The following RUSF1 variants were observed in gnomAD, a reference collection of about 807,000 sequenced individuals.
RUSF1 encodes RUS1 family protein C16orf58.
Under a neutral mutation model 63.0 loss-of-function variants are expected in RUSF1, and 58 were observed. The observed-to-expected ratio is 0.92, with a 90% CI of 0.75 to 1.15. RUSF1 has a LOEUF of 1.15. Among genes scored for constraint, RUSF1 ranks in the 50% most tolerant of loss-of-function variants. The pLI is 0.00. For synonymous variants in RUSF1, 274 were observed against 255.8 expected (o/e 1.07, Z -0.68); for missense variants, 652 against 611.0 (o/e 1.07, Z -0.71).
chr16:31,498,464 CACGGCCCTA>C (rs1446448532), intron 5 of RUSF1, among the ~76,000 whole-genome samples: 1 of 152,234 alleles, frequency 6.6e-6, no homozygotes, highest in African/African-American at 2.4e-5. Flanking sequence ...TATGGAGAAA[CACGGCCCTA>C]ACGTGATTTT....
At chr16:31,499,079 G>A (rs1432417415) in intron 5 of RUSF1, among the ~76,000 whole-genome samples, 1 of 152,192 alleles carries the variant, frequency 6.6e-6, no homozygotes, top group African/African-American at 2.4e-5. Context: ...TCAGCTCGGA[G>A]CTCCCTCCCC....
Position 31,508,385 on chromosome 16 carries a change from G to C in RUSF1, c.-12C>G. ...GCGTCGTCAGCCATGCCGAGCTTTTGGATCCCAGCCCCGCCCCTGCCGCAC... is the reference window on the plus strand; with the variant it reads ...GCGTCGTCAGCCATGCCGAGCTTTTCGATCCCAGCCCCGCCCCTGCCGCAC... On this transcript the variant is annotated 5_prime_UTR_variant, in exon 1 of 13. Transcript: ENST00000327237. 6.7e-7 allele frequency: 1 copy of C among 1,488,186 alleles called. No homozygotes were observed. Among genetic ancestry groups the C allele is most frequent in the South Asian group, 1.3e-5 (1 of 77,318 alleles). 92.2% of individuals were successfully genotyped at this position (1,488,186 alleles called of 1,614,324 possible). A position where few individuals can be genotyped will look rare whatever the true frequency, so the allele number is the denominator to read the frequency against.
At chr16:31,500,359 C>T (rs962821092) in intron 3 of RUSF1, among the ~76,000 whole-genome samples, 28 of 152,296 alleles carry the variant, frequency 1.8e-4, no homozygotes, top group African/African-American at 6.7e-4. Context: ...AATCCCATCT[C>T]GCTAGTTATA....
At chr16:31,491,327 CTTTT>C (rs879259178) in intron 12 of RUSF1, among the ~76,000 whole-genome samples, 7 of 145,024 alleles carry the variant, frequency 4.8e-5, no homozygotes, top group Non-Finnish European at 9.1e-5. Flanking sequence ...GAGAATCCAT[CTTTT>C]TTTTTTTTTT....
chr16:31,499,589 G>T (rs959027171), intron 3 of RUSF1, 64 bp from the exon 4 acceptor site: 3 of 1,476,980 alleles, frequency 2.0e-6, no homozygotes, highest in African/African-American at 2.8e-5. Context: ...TGGGCAGTGT[G>T]GGGAGTCTTG....
In RUSF1 at chr16:31,493,538, G is replaced by C; in HGVS notation, c.959-14C>G. ...CTGGCCAGAAACCTGTGGGAAGCTG[G>C]GGTCAGGATGCCTAGGCAGTGGGAG... is the stretch of plus-strand genomic sequence containing the variant. On this transcript the variant is annotated splice_polypyrimidine_tract_variant and intron_variant, in intron 8 of 12. Coordinates refer to ENST00000327237, the MANE Select transcript of RUSF1 (RefSeq NM_022744.4). 1 of 1,614,120 alleles carries C rather than the reference G, an allele frequency of 6.2e-7. No homozygotes were observed. Among genetic ancestry groups the C allele is most frequent in the Non-Finnish European group, 8.5e-7 (1 of 1,180,010 alleles).
At chr16:31,501,034 T>G (rs1381540224) in intron 2 of RUSF1, among the ~76,000 whole-genome samples, 1 of 152,190 alleles carries the variant, frequency 6.6e-6, no homozygotes, top group East Asian at 1.9e-4. Flanking sequence ...TTCTAGTATA[T>G]TCACCCAGAG....
intron 1 of RUSF1, 33 bp downstream of exon 1, chr16:31,508,041 G>T: frequency 6.3e-7 from 1 of 1,579,566 alleles, no homozygotes; most frequent in East Asian, 2.4e-5. Context: ...GGAGTGGCCT[G>T]CACTGTCCTC....
chr16:31,490,280 A>G lies in RUSF1; in HGVS notation c.*555T>C. ...GGCTGGAGGAGCTGAGTTCCCGCAA[A>G]CTAACTGCAGGGCCTCAATTTCCCT... is the stretch of plus-strand genomic sequence containing the variant. On this transcript the variant is annotated 3_prime_UTR_variant, in exon 13 of 13. Transcript: ENST00000327237. The G allele has an allele frequency of 6.2e-7, 1 of 1,613,652 alleles. No individual in the cohort carries two copies. Among genetic ancestry groups the G allele is most frequent in the Non-Finnish European group, 8.5e-7 (1 of 1,179,856 alleles).
Position 31,493,678 on chromosome 16 carries a change from C to G in RUSF1, c.883G>C (p.Val295Leu). 1 of 1,614,224 alleles carries G rather than the reference C, an allele frequency of 6.2e-7. No individual in the cohort carries two copies. Among genetic ancestry groups the G allele is most frequent in the African/African-American group, 1.3e-5 (1 of 75,068 alleles). ...CCCCTCTGAAGGTAGTGCTTCAGGA[C>G]CAGCCGGAGCCGGCCTTCGTTCAAG... ...ETLNEGRLRL[V>L]LKHYLQRGEV... The change falls in exon 8 of 13, where the codon GTC (valine) becomes CTC (leucine). Residue 295 changes from valine to leucine, a missense_variant. Val to Leu is a conservative substitution (Grantham distance 32). Coordinates refer to ENST00000327237, the MANE Select transcript of RUSF1 (RefSeq NM_022744.4).
In RUSF1 at chr16:31,492,242, G is replaced by T. The variant is rs765174372; in HGVS notation, c.1186C>A (p.Pro396Thr). 6.2e-7 allele frequency: 1 copy of T among 1,613,160 alleles called. No individual in the cohort carries two copies. The highest frequency in any genetic ancestry group is 8.5e-7 in the Non-Finnish European group (1 of 1,179,618). ...AGCTCCTCCAGCTCTGCTGGAAGGG[G>T]TCCATCTCCCTGCAGGGCCCCAAGC... ...LMLGALQGDG[P>T]LPAELEELRN... The change falls in exon 11 of 13, where the codon CCC becomes ACC. Residue 396 changes from proline (P) to threonine (T), a missense_variant. Coordinates refer to ENST00000327237, the MANE Select transcript of RUSF1 (RefSeq NM_022744.4).
chr16:31,492,755 CT>C (rs1179014089), intron 10 of RUSF1, among the ~76,000 whole-genome samples: 2 of 152,176 alleles, frequency 1.3e-5, no homozygotes, highest in African/African-American at 4.8e-5. Context: ...TTATTTGATC[CT>C]CATAAAAACA....
intron 5 of RUSF1, among the ~76,000 whole-genome samples, chr16:31,498,029 G>A (rs1388794987): frequency 6.6e-6 from 1 of 152,206 alleles, no homozygotes. Flanking sequence ...AGAATGGACT[G>A]GAGATTTTGA....
chr16:31,499,708 T>C lies in RUSF1; in HGVS notation c.462-183A>G, dbSNP rs550948248. 1.4e-4 allele frequency among the ~76,000 whole-genome samples: 22 copies of C among 152,252 alleles called. No individual in the cohort carries two copies. The South Asian group carries it at 4.4e-3, about 30-fold the overall frequency. On this transcript the variant is annotated intron_variant, in intron 3 of 12. Coordinates refer to ENST00000327237, the MANE Select transcript of RUSF1 (RefSeq NM_022744.4). ...AATGCCACCATTAGCTGGGAGAACC[T>C]TCAGTGACTGACTGATCACCTAGTG...
Position 31,499,562 on chromosome 16 carries a change from A to T in RUSF1, c.462-37T>A, listed in dbSNP as rs200568544. 7 of 1,575,634 alleles carry T rather than the reference A, an allele frequency of 4.4e-6. No individual in the cohort carries two copies. The Admixed American group carries it at 5.2e-5, about 12-fold the overall frequency. ...GAGAGGTTGTTGTAATTTGGACTTAAGGAGAAACACATCCTATGGGCAGTG... is the reference window on the plus strand; with the variant it reads ...GAGAGGTTGTTGTAATTTGGACTTATGGAGAAACACATCCTATGGGCAGTG... On this transcript the variant is annotated intron_variant, in intron 3 of 12. Coordinates refer to ENST00000327237, the MANE Select transcript of RUSF1 (RefSeq NM_022744.4).
chr16:31,491,275 C>G (rs2082565988), intron 12 of RUSF1, among the ~76,000 whole-genome samples: 1 of 152,100 alleles, frequency 6.6e-6, no homozygotes, highest in Admixed American at 6.5e-5. Flanking sequence ...GTCCTATAAA[C>G]AGGGAAACTG....
At chr16:31,500,547 G>A (rs1454934299) in intron 3 of RUSF1, 139 bp downstream of exon 3, 7 of 1,096,522 alleles carry the variant, frequency 6.4e-6, no homozygotes, top group African/African-American at 1.6e-5. Flanking sequence ...CATTATGTAC[G>A]ATGCCACGGG....
chr16:31,489,867 A>G lies in RUSF1; in HGVS notation c.*968T>C. 1.8e-6 allele frequency: 1 copy of G among 554,454 alleles called. No individual in the cohort carries two copies. The highest frequency in any genetic ancestry group is 3.3e-6 in the Non-Finnish European group (1 of 303,548). The allele number at this position is 554,454 out of a possible 1,614,324, so 34.3% of individuals were successfully genotyped here. On this transcript the variant is annotated 3_prime_UTR_variant, in exon 13 of 13. Coordinates refer to ENST00000327237, the MANE Select transcript of RUSF1 (RefSeq NM_022744.4). ...TCTGGGTGTAGACAGACCTGAGCTG[A>G]CAAAGCTGGGGGAGCAAGGCCAACG...
chr16:31,497,506 C>T (rs1281509109), intron 5 of RUSF1, among the ~76,000 whole-genome samples: 2 of 152,116 alleles, frequency 1.3e-5, no homozygotes, highest in East Asian at 3.9e-4. Context: ...TTTATTTATC[C>T]TTAGTTTTTG....
Sources: allele counts gnomAD v4.1 joint callset (sites outside exome capture counted in the v4.1 genomes callset), GRCh38; gene constraint gnomAD v4.1.1; transcripts MANE v1.5; gene names NCBI Gene and HGNC (gene_info 2026-07-23, HGNC 2026-07-21).